SH3PXD2B: variants seen among roughly 807,000 people sequenced by gnomAD.
SH3PXD2B encodes the protein SH3 and PX domains 2B.
In SH3PXD2B, 37 loss-of-function variants were observed where a neutral mutation model predicts 73.1. The observed-to-expected ratio is 0.51, with a 90% CI of 0.39 to 0.67. The LOEUF (loss-of-function observed/expected upper bound fraction) is 0.67, where lower values mean the gene tolerates loss of function less well. Ranked by LOEUF, SH3PXD2B falls within the 30% of genes least tolerant of loss-of-function variation. The pLI is 0.00. For missense variants in SH3PXD2B, 1,053 were observed against 1,197.8 expected (o/e 0.88, Z 1.78); for synonymous variants, 457 against 480.5 (o/e 0.95, Z 0.64).
chr5:172,335,177 C>A lies in SH3PXD2B; in HGVS notation c.*3192G>T. On this transcript the variant is annotated 3_prime_UTR_variant, in exon 13 of 13. Transcript: ENST00000311601. Reference sequence around the variant, plus strand: ...ATTTTTGGAGGTACCGCAAGCTGTCCGTTTGCCCTGGGATGTAAGGTAAAG... The same window carrying A: ...ATTTTTGGAGGTACCGCAAGCTGTCAGTTTGCCCTGGGATGTAAGGTAAAG... The A allele has an allele frequency of 7.0e-6, 7 of 994,732 alleles. No individual in the cohort carries two copies. Among genetic ancestry groups the A allele is most frequent in the Non-Finnish European group, 8.4e-6 (7 of 836,564 alleles). The allele number at this position is 994,732 out of a possible 1,614,324, so 61.6% of individuals were successfully genotyped here.
At chr5:172,343,368 G>A (rs1408946988) in intron 12 of SH3PXD2B, among the ~76,000 whole-genome samples, 1 of 152,202 alleles carries the variant, frequency 6.6e-6, no homozygotes, top group Non-Finnish European at 1.5e-5. Flanking sequence ...AATATTAGAT[G>A]TATCAGTAAG....
chr5:172,445,769 G>A lies in SH3PXD2B; in HGVS notation c.75+8509C>T, dbSNP rs781001629. 6.6e-6 allele frequency among the ~76,000 whole-genome samples: 1 copy of A among 152,244 alleles called. No individual in the cohort carries two copies. Among genetic ancestry groups the A allele is most frequent in the Non-Finnish European group, 1.5e-5 (1 of 68,046 alleles). On this transcript the variant is annotated intron_variant, in intron 1 of 12. Transcript: ENST00000311601. The surrounding 1 kb of genome is among the most constrained non-coding windows in gnomAD (Gnocchi z 5.2). The stretch of plus-strand genomic sequence containing the variant: ...GAGACAGGGCTGCAGAAGCAGGCAG[G>A]TGAGCTCTGCCCACAGCCCCTCCTC...
chr5:172,426,930 G>A (rs1443051631), intron 1 of SH3PXD2B, among the ~76,000 whole-genome samples: 2 of 152,226 alleles, frequency 1.3e-5, no homozygotes, highest in African/African-American at 4.8e-5. Flanking sequence ...GTTCACACCA[G>A]TTTGATTTGG....
At chr5:172,404,330 TAG>T (rs1321699140) in intron 3 of SH3PXD2B, among the ~76,000 whole-genome samples, 4 of 152,082 alleles carry the variant, frequency 2.6e-5, no homozygotes, top group Non-Finnish European at 4.4e-5. Context: ...TTTTTTGAGA[TAG>T]AGTTTCACTC....
intron 5 of SH3PXD2B, among the ~76,000 whole-genome samples, chr5:172,380,230 TTTTTA>T (rs1327047396): frequency 6.6e-6 from 1 of 152,116 alleles, no homozygotes; most frequent in Non-Finnish European, 1.5e-5. Context: ...GCTAATTTTT[TTTTTA>T]TTTTTAGTAG....
At chr5:172,349,796 C>A (rs79051583) in intron 10 of SH3PXD2B, among the ~76,000 whole-genome samples, 1 of 152,166 alleles carries the variant, frequency 6.6e-6, no homozygotes, top group Non-Finnish European at 1.5e-5. Flanking sequence ...GCCAGTGTGA[C>A]CACTGTGAGA....
At position 172,334,344 on chromosome 5, in the gene SH3PXD2B, G is replaced by A. The variant is rs1385782924; in HGVS notation, c.*4025C>T. On this transcript the variant is annotated 3_prime_UTR_variant, in exon 13 of 13. Coordinates refer to ENST00000311601, the MANE Select transcript of SH3PXD2B (RefSeq NM_001017995.3). ...CCTCGTGGAAACTTACTCTAGTTAGGAGCAATTCCTCCAGGCCAAGAGAGG... is the reference window on the plus strand; with the variant it reads ...CCTCGTGGAAACTTACTCTAGTTAGAAGCAATTCCTCCAGGCCAAGAGAGG... 2 of 994,926 alleles carry A rather than the reference G, an allele frequency of 2.0e-6. No individual in the cohort carries two copies. Among genetic ancestry groups the A allele is most frequent in the East Asian group, 2.3e-4 (2 of 8,884 alleles). 61.6% of individuals were successfully genotyped at this position (994,926 alleles called of 1,614,324 possible).
rs771705120 is a variant in SH3PXD2B at position 172,346,117 on chromosome 5, G to A, written c.1188+19C>T. The A allele has an allele frequency of 6.2e-7, 1 of 1,613,866 alleles. No homozygotes were observed. The highest frequency in any genetic ancestry group is 1.3e-5 in the African/African-American group (1 of 75,050). ...AATCAGGAATCACAAGTAGGCAAAG[G>A]AACACCAGGGCCACTCACCTCGACC... On this transcript the variant is annotated intron_variant, in intron 12 of 12. Coordinates refer to ENST00000311601, the MANE Select transcript of SH3PXD2B (RefSeq NM_001017995.3).
intron 4 of SH3PXD2B, among the ~76,000 whole-genome samples, chr5:172,390,267 T>A (rs1196692362): frequency 1.3e-5 from 2 of 152,262 alleles, no homozygotes; most frequent in Non-Finnish European, 2.9e-5. Flanking sequence ...ATTTGCCTTT[T>A]CTGCAGATTT....
chr5:172,378,887 G>A (rs1388793419), intron 5 of SH3PXD2B, among the ~76,000 whole-genome samples: 18 of 151,900 alleles, frequency 1.2e-4, no homozygotes, highest in Admixed American at 4.6e-4. Flanking sequence ...TGGCTAACAC[G>A]GTGAAACCCC....
intron 3 of SH3PXD2B, among the ~76,000 whole-genome samples, chr5:172,405,350 T>G (rs889864709): frequency 3.3e-5 from 5 of 152,222 alleles, no homozygotes; most frequent in African/African-American, 1.2e-4. Context: ...AAGAGGGAGA[T>G]TATCCTGGAT....
intron 4 of SH3PXD2B, among the ~76,000 whole-genome samples, chr5:172,386,876 CCT>C (rs1385982999): frequency 6.6e-6 from 1 of 152,198 alleles, no homozygotes; most frequent in Non-Finnish European, 1.5e-5. Flanking sequence ...GATCCACCTG[CCT>C]CGGCCTTCCA....
intron 1 of SH3PXD2B, among the ~76,000 whole-genome samples, chr5:172,453,921 C>G (rs963391647): frequency 2.0e-5 from 3 of 152,134 alleles, no homozygotes; most frequent in African/African-American, 7.2e-5. Context: ...CTGTCTCTCC[C>G]GCTTTCTGTC....
intron 1 of SH3PXD2B, among the ~76,000 whole-genome samples, chr5:172,424,053 G>A (rs187589756): frequency 6.6e-6 from 1 of 152,170 alleles, no homozygotes; most frequent in East Asian, 1.9e-4. Flanking sequence ...CTGGGGGTGG[G>A]GGGGAGCCTG....
chr5:172,405,605 G>A (rs911645472), intron 3 of SH3PXD2B, among the ~76,000 whole-genome samples: 1 of 152,182 alleles, frequency 6.6e-6, no homozygotes, highest in African/African-American at 2.4e-5. Flanking sequence ...AACAATCTAC[G>A]TGGAGGCTGG....
Position 172,339,388 on chromosome 5 carries a change from G to A in SH3PXD2B, c.1717C>T (p.Arg573Trp), listed in dbSNP as rs201601282. ...TTGGGCTCTGGCCTCCTGCTGTCCC[G>A]GGCTGGAGGGATGTGTTTGGCTGGC... The part of the protein sequence containing the change: ...MMPAKHIPPA[R>W]DSRRPEPKPD... Residue 573 changes from arginine (R) to tryptophan (W), a missense_variant, in exon 13 of 13, where the codon CGG becomes TGG. Around this residue, in one of 2 missense-constraint regions of SH3PXD2B, gnomAD observed 587 missense variants for 590.7 expected, o/e 0.99. Transcript: ENST00000311601. This position sits in a 1 kb window ranked among gnomAD's most constrained non-coding sequence, Gnocchi z 6.1. 2.5e-6 allele frequency: 4 copies of A among 1,614,036 alleles called. No homozygotes were observed. The highest frequency in any genetic ancestry group is 1.3e-5 in the African/African-American group (1 of 74,940).
chr5:172,432,933 G>C (rs1284373365), intron 1 of SH3PXD2B, among the ~76,000 whole-genome samples: 1 of 143,250 alleles, frequency 7.0e-6, no homozygotes, highest in East Asian at 2.1e-4. Flanking sequence ...AAAGGGGGGG[G>C]GGGGGGAAGA....
rs1554141224 is a variant in SH3PXD2B at position 172,423,554 on chromosome 5, G to GGGT, written c.76-1059_76-1058insACC. Among the ~76,000 whole-genome samples, 107 of 144,706 alleles carry GGGT rather than the reference G, an allele frequency of 7.4e-4. 1 individual carries two copies. Among genetic ancestry groups the GGGT allele is most frequent in the African/African-American group, 2.5e-3 (97 of 38,398 alleles). 94.9% of individuals were successfully genotyped at this position (144,706 alleles called of 152,430 possible). A position where few individuals can be genotyped will look rare whatever the true frequency, so the allele number is the denominator to read the frequency against. ...CACTTGGATACGGGGTTGGGGGGGG[G>GGGT]GGCGCACATTCTCTGTTCATGGTGA... On this transcript the variant is annotated intron_variant, in intron 1 of 12. Transcript: ENST00000311601.
At position 172,353,147 on chromosome 5, in the gene SH3PXD2B, G is replaced by A. The variant is rs1013058717; in HGVS notation, c.785+741C>T. The stretch of plus-strand genomic sequence containing the variant: ...TGGGCCCAACAGAGATTCTTGGTGT[G>A]CGTTTGTTGAATGAATGAATGAATG... On this transcript the variant is annotated intron_variant, in intron 9 of 12. Coordinates refer to ENST00000311601, the MANE Select transcript of SH3PXD2B (RefSeq NM_001017995.3). This position sits in a 1 kb window ranked among gnomAD's most constrained non-coding sequence, Gnocchi z 4.3. 3.9e-5 allele frequency among the ~76,000 whole-genome samples: 6 copies of A among 152,166 alleles called. No homozygotes were observed. The highest frequency in any genetic ancestry group is 1.2e-4 in the African/African-American group (5 of 41,422).
Sources: allele counts gnomAD v4.1 joint callset (sites outside exome capture counted in the v4.1 genomes callset), GRCh38; gene constraint gnomAD v4.1.1; regional missense constraint gnomAD v4.1.1; non-coding constraint Gnocchi (gnomAD v3.1); transcripts MANE v1.5; gene names NCBI Gene and HGNC (gene_info 2026-07-23, HGNC 2026-07-21).